NF2: variants seen among roughly 807,000 people sequenced by gnomAD.
NF2 encodes the protein NF2, moesin-ezrin-radixin like (MERLIN) tumor suppressor, also known as merlin.
In NF2, 8 loss-of-function variants were observed where a neutral mutation model predicts 83.7. The ratio of observed to expected loss-of-function variants is 0.10; its 90% confidence interval spans 0.06 to 0.17. The LOEUF is 0.17. NF2 is among the 10% of genes least tolerant of loss of function. The pLI, the probability that NF2 is intolerant of heterozygous loss-of-function variation, is 1.00. For synonymous variants in NF2, 266 were observed against 269.6 expected, an observed-to-expected ratio of 0.99 and a Z score of 0.13; for missense variants, 533 against 744.4, an observed-to-expected ratio of 0.72 and a Z score of 3.31.
chr22:29,623,609 C>T (rs1438425964), intron 1 of NF2, among the ~76,000 whole-genome samples: 1 of 152,116 alleles, frequency 6.6e-6, no homozygotes. Context: ...GCTCAAGATT[C>T]AGGAGATTCT....
intron 15 of NF2, chr22:29,683,173 G>A (rs1434847143): frequency 9.3e-6 from 15 of 1,612,098 alleles, no homozygotes; most frequent in Non-Finnish European, 1.2e-5. Flanking sequence ...GAGCCCTTAC[G>A]AGGGCAGGTG....
chr22:29,682,867 G>A (rs1167525147), intron 15 of NF2: 1 of 837,852 alleles, frequency 1.2e-6, no homozygotes, highest in Non-Finnish European at 2.0e-6. Context: ...TGCAGTGTGA[G>A]AGCTGGAGAG....
chr22:29,655,759 A>C, intron 6 of NF2, 83 bp downstream of exon 6: 1 of 1,102,260 alleles, frequency 9.1e-7, no homozygotes, highest in South Asian at 1.3e-5. Context: ...AAACTAGGAC[A>C]TGCTTGTTAA....
chr22:29,624,815 T>A (rs574015026), intron 1 of NF2, among the ~76,000 whole-genome samples: 62 of 115,600 alleles, frequency 5.4e-4, no homozygotes, highest in African/African-American at 2.1e-3. Flanking sequence ...CTTTCTTTCT[T>A]TCTTTCTTTC....
chr22:29,684,285 G>A (rs1367366732), intron 15 of NF2: 3 of 152,140 alleles, frequency 2.0e-5, no homozygotes, highest in Non-Finnish European at 2.9e-5. Context: ...AACAGTCCGC[G>A]CTCTGAGCAG....
At position 29,626,050 on chromosome 22, in the gene NF2, A is replaced by G. The variant is rs113228401; in HGVS notation, c.115-10701A>G. Among the ~76,000 whole-genome samples, 275 of 152,270 alleles carry G rather than the reference A, an allele frequency of 1.8e-3. 2 individuals are homozygous for G. Among genetic ancestry groups the G allele is most frequent in the African/African-American group, 5.9e-3 (246 of 41,544 alleles). ...CTGATCTGTGGTTTTAAATTCACCA[A>G]CAGTGCATCTCCCTACTTGCTTAAT... On this transcript the variant is annotated intron_variant, in intron 1 of 15. Transcript: ENST00000338641.
At position 29,697,067 on chromosome 22, in the gene NF2, C is replaced by A; in HGVS notation, c.*2265C>A. 5.2e-6 allele frequency: 1 copy of A among 192,292 alleles called. No individual in the cohort carries two copies. Among genetic ancestry groups the A allele is most frequent in the Non-Finnish European group, 1.1e-5 (1 of 91,940 alleles). The allele number at this position is 192,292 out of a possible 1,614,324, so 11.9% of individuals were successfully genotyped here. A position where few individuals can be genotyped will look rare whatever the true frequency, so the allele number is the denominator to read the frequency against. On this transcript the variant is annotated 3_prime_UTR_variant, in exon 16 of 16. Transcript: ENST00000338641. ...CCTGACCTCAGGTGATCCTCCCACC[C>A]CGGCTTCCCAAAGTTCTGGGATTAT... is the stretch of plus-strand genomic sequence containing the variant.
chr22:29,635,918 T>C (rs1253803134), intron 1 of NF2, among the ~76,000 whole-genome samples: 2 of 152,150 alleles, frequency 1.3e-5, no homozygotes, highest in South Asian at 2.1e-4. Flanking sequence ...AACATCCTGG[T>C]GGTTTAACTT....
intron 1 of NF2, 62 bp downstream of exon 1, chr22:29,604,174 C>T (rs2064722040): frequency 2.3e-6 from 3 of 1,318,050 alleles, no homozygotes; most frequent in East Asian, 2.5e-5. Flanking sequence ...GAGAGGTTCT[C>T]TTTATATCAT....
intron 15 of NF2, chr22:29,684,051 CA>C (rs1328250637): frequency 9.5e-6 from 4 of 420,454 alleles, no homozygotes; most frequent in Non-Finnish European, 1.3e-5. Flanking sequence ...ACCTTTCTAA[CA>C]AAAAGAGATC....
intron 1 of NF2, among the ~76,000 whole-genome samples, chr22:29,624,799 C>CACTT (rs1491103373): frequency 8.6e-6 from 1 of 116,636 alleles, no homozygotes; most frequent in African/African-American, 3.3e-5. Context: ...TTGAAGGGTC[C>CACTT]TCTTTCTTTC....
chr22:29,676,008 AG>A (rs1344571203), intron 13 of NF2, among the ~76,000 whole-genome samples: 1 of 152,170 alleles, frequency 6.6e-6, no homozygotes, highest in Admixed American at 6.5e-5. Flanking sequence ...TGGCTTTGTT[AG>A]TACCTCTGGT....
At chr22:29,676,034 A>G (rs138573816) in intron 13 of NF2, among the ~76,000 whole-genome samples, 312 of 152,226 alleles carry the variant, frequency 2.0e-3, no homozygotes, top group African/African-American at 7.0e-3. Context: ...TGTTGGGTTG[A>G]CTGGGCCAGA....
chr22:29,640,192 C>CT (rs969583657), intron 3 of NF2, among the ~76,000 whole-genome samples: 2 of 59,698 alleles, frequency 3.4e-5, no homozygotes, highest in Non-Finnish European at 6.7e-5. Flanking sequence ...GAGACTCTGT[C>CT]TTAAAAAAAA....
At chr22:29,673,543 G>A in intron 12 of NF2, 57 bp downstream of exon 12, 1 of 1,551,094 alleles carries the variant, frequency 6.4e-7, no homozygotes, top group East Asian at 2.3e-5. Flanking sequence ...CCGCAGACCA[G>A]CCTGCCCTGA....
intron 11 of NF2, among the ~76,000 whole-genome samples, chr22:29,672,641 G>A (rs2066833774): frequency 7.1e-6 from 1 of 141,552 alleles, no homozygotes; most frequent in Non-Finnish European, 1.5e-5. Flanking sequence ...TTGAGATGGA[G>A]TTTCACTCTT....
In NF2 at chr22:29,603,693, C is replaced by G. The variant is rs2064701441; in HGVS notation, c.-306C>G. On this transcript the variant is annotated 5_prime_UTR_variant, in exon 1 of 16. Coordinates refer to ENST00000338641, the MANE Select transcript of NF2 (RefSeq NM_000268.4). Reference sequence around the variant, plus strand: ...CTGGGCCGCTGCCGTCTAGGGGTCCCGTCCCGAGGCGTCCCCGGCATCTCC... The same window carrying G: ...CTGGGCCGCTGCCGTCTAGGGGTCCGGTCCCGAGGCGTCCCCGGCATCTCC... The G allele has an allele frequency of 2.3e-6, 1 of 437,392 alleles. No homozygotes were observed. Among genetic ancestry groups the G allele is most frequent in the Non-Finnish European group, 4.0e-6 (1 of 248,600 alleles). 27.1% of individuals were successfully genotyped at this position (437,392 alleles called of 1,614,324 possible).
At chr22:29,617,960 AT>A (rs2065120799) in intron 1 of NF2, among the ~76,000 whole-genome samples, 1 of 152,208 alleles carries the variant, frequency 6.6e-6, no homozygotes, top group Non-Finnish European at 1.5e-5. Context: ...GAGACTAATA[AT>A]GCTGACCCTG....
chr22:29,650,276 G>A (rs1307138256), intron 4 of NF2, among the ~76,000 whole-genome samples: 1 of 152,120 alleles, frequency 6.6e-6, no homozygotes, highest in East Asian at 1.9e-4. Flanking sequence ...CAAAACTGAT[G>A]TCATAATTTA....
Sources: allele counts gnomAD v4.1 joint callset (sites outside exome capture counted in the v4.1 genomes callset), GRCh38; gene constraint gnomAD v4.1.1; transcripts MANE v1.5; gene names NCBI Gene and HGNC (gene_info 2026-07-23, HGNC 2026-07-21).